Variants in KCTD8 observed in about 807,000 individuals in gnomAD.
KCTD8 encodes the protein potassium channel tetramerization domain containing 8, also known as BTB/POZ domain-containing protein KCTD8.
A neutral mutation model predicts 31.5 loss-of-function variants in KCTD8; 27 were observed. The observed-to-expected ratio is 0.86, with a 90% CI of 0.63 to 1.18. The LOEUF is 1.18. Among genes scored for constraint, KCTD8 ranks in the 50% most tolerant of loss-of-function variants. The pLI, the probability that KCTD8 is intolerant of heterozygous loss-of-function variation, is 0.00. For synonymous variants in KCTD8, 290 were observed against 280.0 expected (o/e 1.04, Z -0.36); for missense variants, 658 against 647.7 (o/e 1.02, Z -0.17).
chr4:44,448,632 G>A lies in KCTD8; in HGVS notation c.-109C>T. 2 of 1,193,000 alleles carry A rather than the reference G, an allele frequency of 1.7e-6. No individual in the cohort carries two copies. Among genetic ancestry groups the A allele is most frequent in the Non-Finnish European group, 1.1e-6 (1 of 940,714 alleles). 73.9% of individuals were successfully genotyped at this position (1,193,000 alleles called of 1,614,324 possible). ...CTGGCGCTCTGCGCCCTCGGACTGG[G>A]CGGCGCGTTCCTCCGACCGGGGCGG... is the stretch of plus-strand genomic sequence containing the variant. On this transcript the variant is annotated 5_prime_UTR_variant, in exon 1 of 2. Coordinates refer to ENST00000360029, the MANE Select transcript of KCTD8 (RefSeq NM_198353.3). The surrounding 1 kb of genome is among the most constrained non-coding windows in gnomAD (Gnocchi z 4.1).
chr4:44,313,124 T>C (rs1445671931), intron 1 of KCTD8, among the ~76,000 whole-genome samples: 2 of 152,264 alleles, frequency 1.3e-5, no homozygotes, highest in East Asian at 3.9e-4. Flanking sequence ...GAAGGAAGCA[T>C]GTATTCTGAA....
chr4:44,417,784 T>C (rs970144570), intron 1 of KCTD8, among the ~76,000 whole-genome samples: 1 of 152,100 alleles, frequency 6.6e-6, no homozygotes, highest in Non-Finnish European at 1.5e-5. Flanking sequence ...TGTGCCATTT[T>C]CCACATGGAA....
At chr4:44,246,568 C>G (rs1577573345) in intron 1 of KCTD8, among the ~76,000 whole-genome samples, 1 of 151,922 alleles carries the variant, frequency 6.6e-6, no homozygotes, top group African/African-American at 2.4e-5. Context: ...AAATTAAAAA[C>G]TTTTCTTTGG....
At chr4:44,230,147 C>A (rs115636020) in intron 1 of KCTD8, among the ~76,000 whole-genome samples, 4,657 of 152,246 alleles carry the variant, frequency 0.031, 244 homozygotes, top group African/African-American at 0.11. Context: ...GAGGTTGCTG[C>A]AGACCTGTAC....
chr4:44,369,356 C>T (rs1719723315), intron 1 of KCTD8, among the ~76,000 whole-genome samples: 1 of 152,170 alleles, frequency 6.6e-6, no homozygotes, highest in African/African-American at 2.4e-5. Flanking sequence ...CTCCATTGTT[C>T]CAAACCAGCT....
chr4:44,347,400 T>C (rs1455014220), intron 1 of KCTD8, among the ~76,000 whole-genome samples: 1 of 152,112 alleles, frequency 6.6e-6, no homozygotes, highest in Non-Finnish European at 1.5e-5. Flanking sequence ...CACTGGCAAC[T>C]AAATCACTAG....
rs147718029 is a variant in KCTD8 at position 44,331,830 on chromosome 4, A to G, written c.961+115733T>C. Among the ~76,000 whole-genome samples the G allele has an allele frequency of 6.0e-3, 899 of 149,834 alleles. 14 individuals carry two copies. The highest frequency in any genetic ancestry group is 7.2e-3 in the East Asian group (37 of 5,152). On this transcript the variant is annotated intron_variant, in intron 1 of 1. Coordinates refer to ENST00000360029, the MANE Select transcript of KCTD8 (RefSeq NM_198353.3). The stretch of plus-strand genomic sequence containing the variant: ...TATATATATAAATTCATATATATGA[A>G]AAAAATAAAATATATATATGGATAT...
At chr4:44,213,575 T>C (rs1464001461) in intron 1 of KCTD8, among the ~76,000 whole-genome samples, 1 of 152,214 alleles carries the variant, frequency 6.6e-6, no homozygotes, top group South Asian at 2.1e-4. Flanking sequence ...CTTTAATGTA[T>C]GTTCATTTGT....
At chr4:44,238,381 G>T (rs1257604658) in intron 1 of KCTD8, among the ~76,000 whole-genome samples, 1 of 152,060 alleles carries the variant, frequency 6.6e-6, no homozygotes, top group Non-Finnish European at 1.5e-5. Context: ...TCATGGATGG[G>T]ATTGTTTGTT....
intron 1 of KCTD8, among the ~76,000 whole-genome samples, chr4:44,423,653 A>T (rs965711831): frequency 6.6e-6 from 1 of 152,130 alleles, no homozygotes; most frequent in Non-Finnish European, 1.5e-5. Flanking sequence ...AGTTAACAGG[A>T]AATAAAGTAA....
intron 1 of KCTD8, among the ~76,000 whole-genome samples, chr4:44,331,938 T>A (rs1676364758): frequency 6.6e-6 from 1 of 151,602 alleles, no homozygotes; most frequent in South Asian, 2.1e-4. Flanking sequence ...TAAATAACTG[T>A]ATCTTTCTTA....
chr4:44,232,719 A>G (rs1715159614), intron 1 of KCTD8, among the ~76,000 whole-genome samples: 1 of 152,180 alleles, frequency 6.6e-6, no homozygotes, highest in Non-Finnish European at 1.5e-5. Context: ...CAAACAGAAT[A>G]ATAGTTTCCT....
At chr4:44,279,805 CAT>C (rs1426433663) in intron 1 of KCTD8, among the ~76,000 whole-genome samples, 1 of 152,026 alleles carries the variant, frequency 6.6e-6, no homozygotes, top group Non-Finnish European at 1.5e-5. Flanking sequence ...CACACCACAA[CAT>C]ATATATACAT....
At chr4:44,414,964 A>T (rs1184319261) in intron 1 of KCTD8, among the ~76,000 whole-genome samples, 2 of 152,192 alleles carry the variant, frequency 1.3e-5, no homozygotes, top group Admixed American at 6.5e-5. Context: ...CAGGAAGCCA[A>T]GGGAAAGTTT....
At chr4:44,366,170 A>G (rs1303119715) in intron 1 of KCTD8, among the ~76,000 whole-genome samples, 1 of 152,168 alleles carries the variant, frequency 6.6e-6, no homozygotes, top group African/African-American at 2.4e-5. Flanking sequence ...AAAAAAAATC[A>G]TTAAAACAAG....
At chr4:44,273,744 C>A (rs6810617) in intron 1 of KCTD8, among the ~76,000 whole-genome samples, 1 of 151,864 alleles carries the variant, frequency 6.6e-6, no homozygotes, top group Non-Finnish European at 1.5e-5. Context: ...GCAAACCCAA[C>A]ATGTCAGTTA....
chr4:44,413,586 A>G (rs1721007645), intron 1 of KCTD8, among the ~76,000 whole-genome samples: 2 of 152,036 alleles, frequency 1.3e-5, no homozygotes, highest in African/African-American at 2.4e-5. Flanking sequence ...TCCTAAATCA[A>G]TGCTTAAAGG....
chr4:44,195,619 A>G (rs1713915942), intron 1 of KCTD8, among the ~76,000 whole-genome samples: 1 of 152,214 alleles, frequency 6.6e-6, no homozygotes, highest in Non-Finnish European at 1.5e-5. Flanking sequence ...TATAACTAGA[A>G]AAAACTTTAT....
At chr4:44,189,333 C>T (rs1322626609) in intron 1 of KCTD8, among the ~76,000 whole-genome samples, 1 of 151,954 alleles carries the variant, frequency 6.6e-6, no homozygotes, top group Admixed American at 6.6e-5. Flanking sequence ...GAATCTATTC[C>T]CTGCTTTCAA....
Sources: gnomAD v4.1 joint callset for allele counts (sites outside exome capture counted in the v4.1 genomes callset) on GRCh38, gnomAD v4.1.1 for gene constraint, Gnocchi (gnomAD v3.1) non-coding constraint, MANE v1.5 for transcripts, NCBI Gene and HGNC (gene_info 2026-07-23, HGNC 2026-07-21) for gene names.